Variants in ACTR6 observed in about 807,000 individuals in gnomAD.
ACTR6 encodes actin related protein 6.
A neutral mutation model predicts 52.5 loss-of-function variants in ACTR6; 50 were observed. The observed-to-expected ratio is 0.95, with a 90% confidence interval of 0.76 to 1.20. The LOEUF (loss-of-function observed/expected upper bound fraction) is 1.20, where lower values mean the gene tolerates loss of function less well. Ranked by LOEUF, ACTR6 falls within the 50% of genes most tolerant of loss-of-function variation. The pLI, the probability that ACTR6 is intolerant of heterozygous loss-of-function variation, is 0.00. For missense variants in ACTR6, 344 were observed against 472.4 expected (o/e 0.73, Z 2.52); for synonymous variants, 135 against 147.2 (o/e 0.92, Z 0.60).
At chr12:100,217,005 T>G (rs2096124375) in intron 8 of ACTR6, among the ~76,000 whole-genome samples, 1 of 152,168 alleles carries the variant, frequency 6.6e-6, no homozygotes, top group Non-Finnish European at 1.5e-5. Flanking sequence ...TTATGAGTGG[T>G]AGTATCATGG....
chr12:100,205,313 A>G (rs1218291314), intron 2 of ACTR6: 1 of 325,142 alleles, frequency 3.1e-6, no homozygotes, highest in African/African-American at 2.1e-5. Context: ...AGGCAACTGT[A>G]TATATTGGTG....
intron 3 of ACTR6, 60 bp from the exon 4 acceptor site, chr12:100,207,603 A>C: frequency 7.5e-7 from 1 of 1,334,430 alleles, no homozygotes; most frequent in Non-Finnish European, 1.0e-6. Flanking sequence ...TTGTACATGT[A>C]AAACAAGTGT....
intron 8 of ACTR6, among the ~76,000 whole-genome samples, chr12:100,213,264 T>C (rs550425846): frequency 5.5e-4 from 84 of 152,166 alleles, no homozygotes; most frequent in Non-Finnish European, 1.0e-3. Context: ...GGTTCATATT[T>C]GTATTTTTTG....
chr12:100,217,370 G>A (rs1004957493), intron 8 of ACTR6, among the ~76,000 whole-genome samples: 2 of 152,152 alleles, frequency 1.3e-5, no homozygotes, highest in African/African-American at 4.8e-5. Flanking sequence ...TCAGGAAGCT[G>A]AAATCTGAAT....
chr12:100,208,076 G>A (rs978282658), intron 4 of ACTR6: 8 of 273,370 alleles, frequency 2.9e-5, no homozygotes, highest in Admixed American at 9.9e-5. Context: ...CAGAAGGATC[G>A]TTTGAGCCTG....
intron 10 of ACTR6, among the ~76,000 whole-genome samples, chr12:100,222,955 CTG>C (rs1464813883): frequency 1.3e-5 from 2 of 152,208 alleles, no homozygotes; most frequent in African/African-American, 2.4e-5. Context: ...AAAGCACAGA[CTG>C]TGAAAACAGT....
intron 6 of ACTR6, among the ~76,000 whole-genome samples, chr12:100,210,924 C>A (rs1239734251): frequency 6.6e-6 from 1 of 152,118 alleles, no homozygotes; most frequent in Non-Finnish European, 1.5e-5. Context: ...GTGTCGCTGA[C>A]CCCTGGCAAC....
In ACTR6 at chr12:100,210,352, G is replaced by T. The variant is rs1326021047; in HGVS notation, c.572+1G>T. On this transcript the variant is annotated splice_donor_variant, in intron 6 of 10. Transcript: ENST00000188312. LOFTEE classifies it high-confidence loss of function. ...ATCTAAAGGAGATCATATCTTACAG[G>T]TGATGCTTAGCTTTGATTCTTTGGG... 1.2e-6 allele frequency: 2 copies of T among 1,613,530 alleles called. No individual in the cohort carries two copies. Among genetic ancestry groups the T allele is most frequent in the East Asian group, 2.2e-5 (1 of 44,874 alleles).
Position 100,200,937 on chromosome 12 carries a change from C to T in ACTR6, c.68+18C>T, listed in dbSNP as rs372008993. On this transcript the variant is annotated intron_variant, in intron 1 of 10. Transcript: ENST00000188312. ...AATGTGTCGTAAGTACTTTCTTTCTCCGAGGGACAAGATATATACGCCTAG... is the reference window on the plus strand; with the variant it reads ...AATGTGTCGTAAGTACTTTCTTTCTTCGAGGGACAAGATATATACGCCTAG... The T allele has an allele frequency of 8.1e-6, 13 of 1,614,006 alleles. No individual in the cohort carries two copies. The highest frequency in any genetic ancestry group is 1.1e-5 in the Non-Finnish European group (13 of 1,179,968).
chr12:100,217,586 G>A (rs1478390444), intron 8 of ACTR6, among the ~76,000 whole-genome samples: 1 of 152,146 alleles, frequency 6.6e-6, no homozygotes, highest in Non-Finnish European at 1.5e-5. Context: ...CTCACAGATT[G>A]GGTGGGTTAG....
At chr12:100,209,165 G>A (rs2096117682) in intron 4 of ACTR6, among the ~76,000 whole-genome samples, 1 of 152,188 alleles carries the variant, frequency 6.6e-6, no homozygotes, top group East Asian at 1.9e-4. Flanking sequence ...ACATGGTTGG[G>A]TACAATGAAA....
chr12:100,205,956 A>C (rs553231971), intron 3 of ACTR6, among the ~76,000 whole-genome samples: 1 of 152,312 alleles, frequency 6.6e-6, no homozygotes, highest in East Asian at 1.9e-4. Flanking sequence ...TCAGATTTCT[A>C]TTATTAGATC....
At chr12:100,210,049 A>T in intron 4 of ACTR6, 24 bp from the exon 5 acceptor site, 2 of 1,550,412 alleles carry the variant, frequency 1.3e-6, no homozygotes, top group African/African-American at 1.4e-5. Flanking sequence ...ATTTTTGTTC[A>T]CTTTTTTATC....
chr12:100,218,444 A>G lies in ACTR6; in HGVS notation c.780A>G (p.Lys260=). ...KPREEMVLSG[K]YKSGEQILRL... The stretch of plus-strand genomic sequence containing the variant: ...GGGAAGAGATGGTGTTGAGTGGAAA[A>G]TACAAATCTGGGGAACAAATTCTTC... The change falls in exon 9 of 11, where the codon AAA becomes AAG. Residue 260 remains lysine (K), a synonymous_variant. Transcript: ENST00000188312. This position sits in a 1 kb window ranked among gnomAD's most constrained non-coding sequence, Gnocchi z 4.2. The G allele has an allele frequency of 6.2e-7, 1 of 1,610,798 alleles. No individual in the cohort carries two copies. The highest frequency in any genetic ancestry group is 2.2e-5 in the East Asian group (1 of 44,568).
Position 100,207,199 on chromosome 12 carries a change from A to G in ACTR6, c.256-464A>G, listed in dbSNP as rs113471904. Among the ~76,000 whole-genome samples, 414 of 152,120 alleles carry G rather than the reference A, an allele frequency of 2.7e-3. 1 individual carries two copies. Among genetic ancestry groups the G allele is most frequent in the African/African-American group, 9.6e-3 (398 of 41,492 alleles). Reference sequence around the variant, plus strand: ...CTTCTAAGTAGCCAGGACTACAGGCATGCACCGCCATGCCCTGTTAATTTT... The same window carrying G: ...CTTCTAAGTAGCCAGGACTACAGGCGTGCACCGCCATGCCCTGTTAATTTT... On this transcript the variant is annotated intron_variant, in intron 3 of 10. Transcript: ENST00000188312.
intron 2 of ACTR6, chr12:100,205,308 ACTGT>A (rs758422975): frequency 2.4e-5 from 8 of 333,768 alleles, no homozygotes; most frequent in Non-Finnish European, 3.7e-5. Flanking sequence ...TAGGGAGGCA[ACTGT>A]ATATATTGGT....
At chr12:100,207,589 T>G (rs990832134) in intron 3 of ACTR6, 74 bp from the exon 4 acceptor site, 2 of 1,253,840 alleles carry the variant, frequency 1.6e-6, no homozygotes, top group Non-Finnish European at 2.2e-6. Context: ...TTAAATAAAT[T>G]TGTTTGTACA....
At chr12:100,212,387 T>C (rs2096120529) in intron 7 of ACTR6, 33 bp downstream of exon 7, 1 of 1,595,436 alleles carries the variant, frequency 6.3e-7, no homozygotes, top group Non-Finnish European at 8.6e-7. Flanking sequence ...AATTGGAAAG[T>C]AGATTGTTAG....
chr12:100,210,282 T>C lies in ACTR6; in HGVS notation c.516-13T>C, dbSNP rs1470028907. On this transcript the variant is annotated splice_polypyrimidine_tract_variant and intron_variant, in intron 5 of 10. Coordinates refer to ENST00000188312, the MANE Select transcript of ACTR6 (RefSeq NM_022496.5). The stretch of plus-strand genomic sequence containing the variant: ...ATATGTGCGATAATTAAATTTGAGT[T>C]CTCCCCTTGCAGGATAAATGTGGGA... 4.3e-6 allele frequency: 7 copies of C among 1,613,532 alleles called. No homozygotes were observed. The highest frequency in any genetic ancestry group is 5.9e-6 in the Non-Finnish European group (7 of 1,179,672).
Sources: gnomAD v4.1 joint callset for allele counts (sites outside exome capture counted in the v4.1 genomes callset) on GRCh38, gnomAD v4.1.1 for gene constraint, Gnocchi (gnomAD v3.1) non-coding constraint, MANE v1.5 for transcripts, NCBI Gene and HGNC (gene_info 2026-07-23, HGNC 2026-07-21) for gene names.